ORC4: variants seen among roughly 807,000 people sequenced by gnomAD.
The protein encoded by ORC4 is origin recognition complex subunit 4, also known as origin recognition complex, subunit 4 homolog.
Under a neutral mutation model 63.9 loss-of-function variants are expected in ORC4, and 55 were observed. The observed-to-expected ratio is 0.86, with a 90% CI of 0.69 to 1.08. The LOEUF (loss-of-function observed/expected upper bound fraction) is 1.08, where lower values mean the gene tolerates loss of function less well. ORC4 is among the 50% of genes least tolerant of loss of function. The pLI, the probability that ORC4 is intolerant of heterozygous loss-of-function variation, is 0.00. For synonymous variants in ORC4, 150 were observed against 168.5 expected, an observed-to-expected ratio of 0.89 and a Z score of 0.85; for missense variants, 511 against 504.4, an observed-to-expected ratio of 1.01 and a Z score of -0.13.
In ORC4 at chr2:147,934,580, G is replaced by C. The variant is rs541923433; in HGVS notation, c.*930C>G. ...ATTTCATCACTGTATGAACATCACAGAGTATACTTACACAGACCCTGATGA... is the reference window on the plus strand; with the variant it reads ...ATTTCATCACTGTATGAACATCACACAGTATACTTACACAGACCCTGATGA... On this transcript the variant is annotated 3_prime_UTR_variant, in exon 14 of 14. Coordinates refer to ENST00000392857, the MANE Select transcript of ORC4 (RefSeq NM_181741.4). The C allele has an allele frequency of 1.1e-4, 17 of 152,190 alleles. No homozygotes were observed. The highest frequency in any genetic ancestry group is 8.5e-4 in the Admixed American group (13 of 15,272). The allele number at this position is 152,190 out of a possible 1,614,324, so 9.4% of individuals were successfully genotyped here.
At chr2:148,008,049 C>A (rs1310949507) in intron 1 of ORC4, among the ~76,000 whole-genome samples, 3 of 152,110 alleles carry the variant, frequency 2.0e-5, no homozygotes, top group Non-Finnish European at 2.9e-5. Flanking sequence ...TCTAATACAT[C>A]CACCGAAATT....
At chr2:148,011,763 G>A (rs933058986) in intron 1 of ORC4, among the ~76,000 whole-genome samples, 1 of 152,110 alleles carries the variant, frequency 6.6e-6, no homozygotes, top group Non-Finnish European at 1.5e-5. Context: ...CAGTAACATT[G>A]CAGAATACAA....
At position 147,930,513 on chromosome 2, in the gene ORC4, T is replaced by C. The variant is rs1687657266; in HGVS notation, c.*4997A>G. The C allele has an allele frequency of 6.6e-6, 1 of 152,616 alleles. No homozygotes were observed. The highest frequency in any genetic ancestry group is 2.4e-5 in the African/African-American group (1 of 41,542). 9.5% of individuals were successfully genotyped at this position (152,616 alleles called of 1,614,324 possible). A position where few individuals can be genotyped will look rare whatever the true frequency, so the allele number is the denominator to read the frequency against. ...CAAAATGATACAAGTAGCATCTTGATTGAACATCATTTACCTCAGATATTC... is the reference window on the plus strand; with the variant it reads ...CAAAATGATACAAGTAGCATCTTGACTGAACATCATTTACCTCAGATATTC... On this transcript the variant is annotated 3_prime_UTR_variant, in exon 14 of 14. Coordinates refer to ENST00000392857, the MANE Select transcript of ORC4 (RefSeq NM_181741.4).
At chr2:147,955,423 T>A (rs780463059) in intron 6 of ORC4, 28 bp from the exon 7 acceptor site, 1 of 1,544,798 alleles carries the variant, frequency 6.5e-7, no homozygotes, top group South Asian at 1.1e-5. Flanking sequence ...ATAAAATGAT[T>A]AAAAGTTTAG....
At chr2:147,937,404 A>C (rs1344682953) in intron 13 of ORC4, among the ~76,000 whole-genome samples, 1 of 152,178 alleles carries the variant, frequency 6.6e-6, no homozygotes, top group African/African-American at 2.4e-5. Flanking sequence ...TCAAAATGTA[A>C]ATTTACTTTC....
intron 4 of ORC4, among the ~76,000 whole-genome samples, chr2:147,966,900 A>G (rs1689925325): frequency 6.6e-6 from 1 of 152,222 alleles, no homozygotes; most frequent in African/African-American, 2.4e-5. Flanking sequence ...CAAAACAGCA[A>G]CAAAAACTAC....
chr2:148,017,562 C>T (rs886410460), intron 1 of ORC4, among the ~76,000 whole-genome samples: 1 of 152,112 alleles, frequency 6.6e-6, no homozygotes. Context: ...ATCCCAGCTA[C>T]TAGGGAGGCT....
At chr2:148,012,988 G>C (rs1471088135) in intron 1 of ORC4, among the ~76,000 whole-genome samples, 1 of 152,324 alleles carries the variant, frequency 6.6e-6, no homozygotes, top group Non-Finnish European at 1.5e-5. Flanking sequence ...TACACTGTTG[G>C]TGGAAATGTA....
Position 147,972,730 on chromosome 2 carries a change from A to T in ORC4, c.225+9T>A. On this transcript the variant is annotated intron_variant, in intron 4 of 13. Transcript: ENST00000392857. The stretch of plus-strand genomic sequence containing the variant: ...ATGCCAACAAACACCAGAAATCAAC[A>T]GCTTTTACCATAGTTTTTCCTGATC... 6.4e-7 allele frequency: 1 copy of T among 1,571,674 alleles called. No individual in the cohort carries two copies. Among genetic ancestry groups the T allele is most frequent in the Non-Finnish European group, 8.7e-7 (1 of 1,143,942 alleles).
intron 4 of ORC4, among the ~76,000 whole-genome samples, chr2:147,961,861 G>A (rs1464607770): frequency 6.6e-6 from 1 of 152,104 alleles, no homozygotes; most frequent in Non-Finnish European, 1.5e-5. Context: ...AACCTATAGG[G>A]GTTTATGAAA....
chr2:148,005,936 C>G (rs897655150), intron 1 of ORC4, among the ~76,000 whole-genome samples: 1 of 152,042 alleles, frequency 6.6e-6, no homozygotes, highest in African/African-American at 2.4e-5. Flanking sequence ...GTTGAGATCA[C>G]GCCATGCACT....
chr2:147,972,248 G>GT (rs1437621368), intron 4 of ORC4, among the ~76,000 whole-genome samples: 2 of 152,150 alleles, frequency 1.3e-5, no homozygotes, highest in African/African-American at 4.8e-5. Context: ...GAAAAACTGT[G>GT]TAAGTTAGGG....
intron 4 of ORC4, among the ~76,000 whole-genome samples, chr2:147,965,139 C>T (rs143526390): frequency 7.2e-5 from 11 of 151,984 alleles, no homozygotes; most frequent in Middle Eastern, 3.4e-3. Flanking sequence ...ACTGGTACTG[C>T]GGATACATAA....
At chr2:147,956,330 C>T (rs1032999313) in intron 6 of ORC4, among the ~76,000 whole-genome samples, 1 of 152,050 alleles carries the variant, frequency 6.6e-6, no homozygotes, top group African/African-American at 2.4e-5. Flanking sequence ...TATAACAAAT[C>T]CTCAAAGAGA....
intron 1 of ORC4, among the ~76,000 whole-genome samples, chr2:147,983,404 T>C (rs1691004233): frequency 6.6e-6 from 1 of 152,192 alleles, no homozygotes; most frequent in East Asian, 1.9e-4. Context: ...GGGACTGCCT[T>C]TTGAAGTTCT....
intron 1 of ORC4, among the ~76,000 whole-genome samples, chr2:147,984,788 A>G (rs1437658519): frequency 6.6e-6 from 1 of 152,226 alleles, no homozygotes; most frequent in African/African-American, 2.4e-5. Flanking sequence ...TTACAAAGGA[A>G]GGGATGAATT....
intron 1 of ORC4, among the ~76,000 whole-genome samples, chr2:147,994,072 C>G (rs898582222): frequency 6.6e-6 from 1 of 151,976 alleles, no homozygotes; most frequent in African/African-American, 2.4e-5. Context: ...TAATGAACAA[C>G]TGAAATTAGA....
intron 1 of ORC4, among the ~76,000 whole-genome samples, chr2:148,000,242 A>C (rs567118391): frequency 6.6e-6 from 1 of 152,218 alleles, no homozygotes; most frequent in African/African-American, 2.4e-5. Context: ...GCAAAATGAA[A>C]GACTATAGAC....
chr2:147,953,028 A>G (rs1689049197), intron 7 of ORC4, among the ~76,000 whole-genome samples: 1 of 142,870 alleles, frequency 7.0e-6, no homozygotes, highest in South Asian at 2.3e-4. Context: ...CTCCATCTCA[A>G]AAAAAAAAAG....
Sources: allele counts gnomAD v4.1 joint callset (sites outside exome capture counted in the v4.1 genomes callset), GRCh38; gene constraint gnomAD v4.1.1; transcripts MANE v1.5; gene names NCBI Gene and HGNC (gene_info 2026-07-23, HGNC 2026-07-21).